PRKCQ: variants seen among roughly 807,000 people sequenced by gnomAD.
The protein encoded by PRKCQ is protein kinase C theta type.
A neutral mutation model predicts 91.2 loss-of-function variants in PRKCQ; 41 were observed. The ratio of observed to expected loss-of-function variants is 0.45; its 90% CI spans 0.35 to 0.58. The LOEUF (loss-of-function observed/expected upper bound fraction) is 0.58. Ranked by LOEUF, PRKCQ falls within the 20% of genes least tolerant of loss-of-function variation. The pLI, the probability that PRKCQ is intolerant of heterozygous loss-of-function variation, is 0.00. For synonymous variants in PRKCQ, 307 were observed against 316.9 expected, an observed-to-expected ratio of 0.97 and a Z score of 0.33; for missense variants, 673 against 896.5, an observed-to-expected ratio of 0.75 and a Z score of 3.18.
In PRKCQ at chr10:6,576,103, T is replaced by G. The variant is rs1422692203; in HGVS notation, c.-10+4108A>C. Among the ~76,000 whole-genome samples the G allele has an allele frequency of 6.6e-6, 1 of 151,898 alleles. No homozygotes were observed. The highest frequency in any genetic ancestry group is 1.9e-4 in the East Asian group (1 of 5,166). ...GAATAATTGGGACCCTTTCTACCAC[T>G]GGTGGGAATGTAAAACGGTCCAGCC... On this transcript the variant is annotated intron_variant, in intron 1 of 17. Transcript: ENST00000263125. This position sits in a 1 kb window ranked among gnomAD's most constrained non-coding sequence, Gnocchi z 4.2.
At chr10:6,410,406 G>A in the PRKCQ span, among the ~76,000 whole-genome samples, 1 of 152,176 alleles carries the variant, frequency 6.6e-6, no homozygotes, top group Admixed American at 6.5e-5. Flanking sequence ...TTTCTGTTTG[G>A]AATACTCCAT....
chr10:6,519,818 G>T (rs1381378729), intron 1 of PRKCQ, among the ~76,000 whole-genome samples: 1 of 152,140 alleles, frequency 6.6e-6, no homozygotes, highest in Non-Finnish European at 1.5e-5. Context: ...AATATGTATA[G>T]ATTTTTCCCC....
intron 1 of PRKCQ, among the ~76,000 whole-genome samples, chr10:6,522,762 T>C (rs1839063679): frequency 6.6e-6 from 1 of 152,172 alleles, no homozygotes; most frequent in African/African-American, 2.4e-5. Flanking sequence ...ATCACTTGTA[T>C]CAAAACCTCT....
the PRKCQ span, among the ~76,000 whole-genome samples, chr10:6,403,819 C>G: frequency 7.1e-6 from 1 of 141,262 alleles, no homozygotes; most frequent in Admixed American, 7.5e-5. Context: ...TTGTTTGTTT[C>G]AGGGATAAAT....
rs1017738674 is a variant in PRKCQ at position 6,515,008 on chromosome 10, T to C, written c.118+10A>G. On this transcript the variant is annotated intron_variant, in intron 2 of 17. Transcript: ENST00000263125. Reference sequence around the variant, plus strand: ...CTCCTCCCCCGCTTTGAAAATCCCCTCAAGCTTACCTGATTCGACATACTC... The same window carrying C: ...CTCCTCCCCCGCTTTGAAAATCCCCCCAAGCTTACCTGATTCGACATACTC... The C allele has an allele frequency of 9.3e-6, 15 of 1,612,526 alleles. No individual in the cohort carries two copies. The highest frequency in any genetic ancestry group is 1.3e-5 in the Non-Finnish European group (15 of 1,179,830).
intron 1 of PRKCQ, among the ~76,000 whole-genome samples, chr10:6,531,505 G>T (rs1977426): frequency 0.15 from 22,261 of 150,608 alleles, 1,832 homozygotes; most frequent in Middle Eastern, 0.24. Context: ...CCAATAGTGC[G>T]GAGGCTGAGA....
intron 1 of PRKCQ, among the ~76,000 whole-genome samples, chr10:6,553,750 A>G (rs558224766): frequency 1.3e-5 from 2 of 152,192 alleles, no homozygotes; most frequent in African/African-American, 2.4e-5. Context: ...GTATGCACAT[A>G]TCTTCAACTT....
Position 6,442,015 on chromosome 10 carries a change from T to C in PRKCQ, c.1714A>G (p.Met572Val), listed in dbSNP as rs749386274. Reference protein sequence around the residue: ...WWSFGVLLYEMLIGQSPFHGQ... With the variant: ...WWSFGVLLYEVLIGQSPFHGQ... ...TGGAAAGGCGACTGACCAATCAGCA[T>C]TTCATAAAGGAGAACCCCGAAGGAC... is the stretch of plus-strand genomic sequence containing the variant. Residue 572 changes from methionine (M) to valine (V), a missense_variant, in exon 16 of 18, where the codon ATG becomes GTG. By Grantham distance (21) the Met-to-Val change is conservative (BLOSUM62 1). Transcript: ENST00000263125. 1 of 1,614,120 alleles carries C rather than the reference T, an allele frequency of 6.2e-7. No homozygotes were observed. Among genetic ancestry groups the C allele is most frequent in the South Asian group, 1.1e-5 (1 of 91,088 alleles).
chr10:6,394,983 A>T, the PRKCQ span, among the ~76,000 whole-genome samples: 1 of 150,060 alleles, frequency 6.7e-6, no homozygotes, highest in East Asian at 1.9e-4. Context: ...GAGGGAGCCG[A>T]TTTATCAAGA....
chr10:6,452,041 A>G (rs1934380947), intron 15 of PRKCQ, among the ~76,000 whole-genome samples: 1 of 151,752 alleles, frequency 6.6e-6, no homozygotes, highest in Admixed American at 6.6e-5. Context: ...CTCTCTCACC[A>G]CTCCTATTCA....
chr10:6,469,394 TGTTTAG>T (rs1411921474), intron 12 of PRKCQ, among the ~76,000 whole-genome samples: 2 of 152,130 alleles, frequency 1.3e-5, no homozygotes, highest in Non-Finnish European at 2.9e-5. Context: ...GGCTTGAGGC[TGTTTAG>T]GTATGGAATT....
chr10:6,411,122 T>C, the PRKCQ span, among the ~76,000 whole-genome samples: 2 of 152,188 alleles, frequency 1.3e-5, no homozygotes, highest in South Asian at 4.1e-4. Context: ...TTTTGTAGCC[T>C]CTAGCTTATA....
At chr10:6,496,298 T>G (rs1837595999) in intron 7 of PRKCQ, among the ~76,000 whole-genome samples, 1 of 151,574 alleles carries the variant, frequency 6.6e-6, no homozygotes, top group African/African-American at 2.4e-5. Context: ...TTTAAAAATT[T>G]AAAATTCATA....
chr10:6,563,913 G>A (rs1160863669), intron 1 of PRKCQ, among the ~76,000 whole-genome samples: 4 of 152,192 alleles, frequency 2.6e-5, no homozygotes, highest in South Asian at 2.1e-4. Context: ...GCCAGGGCAC[G>A]CAGAGGAGGG....
At chr10:6,443,867 C>T (rs1834098430) in intron 15 of PRKCQ, among the ~76,000 whole-genome samples, 1 of 152,092 alleles carries the variant, frequency 6.6e-6, no homozygotes, top group South Asian at 2.1e-4. Flanking sequence ...GAAGTTTTTG[C>T]CCTTACTTTC....
At chr10:6,439,023 A>G (rs999481566) in intron 16 of PRKCQ, among the ~76,000 whole-genome samples, 5 of 152,178 alleles carry the variant, frequency 3.3e-5, no homozygotes, top group African/African-American at 1.2e-4. Context: ...GACATGATTC[A>G]TTTCATTCTA....
chr10:6,537,910 G>A (rs759160632), intron 1 of PRKCQ, among the ~76,000 whole-genome samples: 5 of 152,044 alleles, frequency 3.3e-5, no homozygotes, highest in Non-Finnish European at 5.9e-5. Flanking sequence ...TTCCTCCTCC[G>A]AGGCCTCTGC....
chr10:6,477,835 T>G (rs1179640318), intron 12 of PRKCQ, among the ~76,000 whole-genome samples: 1 of 152,136 alleles, frequency 6.6e-6, no homozygotes, highest in Non-Finnish European at 1.5e-5. Context: ...ACCATTGCAC[T>G]CCAGCCTGGG....
intron 17 of PRKCQ, among the ~76,000 whole-genome samples, chr10:6,428,806 T>C (rs1353899501): frequency 6.6e-6 from 1 of 152,160 alleles, no homozygotes; most frequent in Admixed American, 6.5e-5. Context: ...CACAATTACA[T>C]ATTCCTGTTC....
Sources: gnomAD v4.1 joint callset for allele counts (sites outside exome capture counted in the v4.1 genomes callset) on GRCh38, gnomAD v4.1.1 for gene constraint, Gnocchi (gnomAD v3.1) non-coding constraint, MANE v1.5 for transcripts, NCBI Gene and HGNC (gene_info 2026-07-23, HGNC 2026-07-21) for gene names.